The following EEPD1 variants were observed in gnomAD, a reference collection of about 807,000 sequenced individuals.
The protein encoded by EEPD1 is endonuclease/exonuclease/phosphatase family domain-containing protein 1.
EEPD1 carries 17 observed loss-of-function variants against 46.3 expected under a neutral mutation model. The observed-to-expected ratio is 0.37, with a 90% CI of 0.25 to 0.55. The LOEUF (loss-of-function observed/expected upper bound fraction) is 0.55. Among genes scored for constraint, EEPD1 ranks in the 20% least tolerant of loss-of-function variants. The probability of loss-of-function intolerance (pLI) is 0.83; values close to 1 mark genes in which losing one functional copy is unlikely to be tolerated. For missense variants in EEPD1, 673 were observed against 745.6 expected (o/e 0.90, Z 1.13); for synonymous variants, 313 against 315.6 (o/e 0.99, Z 0.09).
chr7:36,230,798 A>G (rs1457591686), intron 2 of EEPD1: 2 of 152,220 alleles, frequency 1.3e-5, no homozygotes, highest in Non-Finnish European at 2.9e-5. Context: ...GTGTGTCCCT[A>G]GCACCCAGGA....
chr7:36,202,124 C>A (rs1235834227), intron 2 of EEPD1, among the ~76,000 whole-genome samples: 4 of 152,134 alleles, frequency 2.6e-5, no homozygotes, highest in Admixed American at 6.5e-5. Context: ...AGGTTGATTC[C>A]CAGGTGAAAG....
In EEPD1 at chr7:36,175,910, G is replaced by T. The variant is rs115331460; in HGVS notation, c.878+20708G>T. 3.0e-3 allele frequency among the ~76,000 whole-genome samples: 458 copies of T among 152,342 alleles called. 3 individuals carry two copies. The highest frequency in any genetic ancestry group is 0.011 in the African/African-American group (441 of 41,582). On this transcript the variant is annotated intron_variant, in intron 2 of 7. Transcript: ENST00000242108. The stretch of plus-strand genomic sequence containing the variant: ...GAACGGGGAGGAGGTGAAGCCAGAG[G>T]GGCTGAGCAGGTCACTGCCGGGTCC...
chr7:36,227,279 T>C (rs1178911613), intron 2 of EEPD1, among the ~76,000 whole-genome samples: 1 of 152,238 alleles, frequency 6.6e-6, no homozygotes, highest in Non-Finnish European at 1.5e-5. Flanking sequence ...CTGCCCAGAT[T>C]GTTTTGCAGA....
chr7:36,235,794 T>A (rs1664061323), intron 2 of EEPD1, among the ~76,000 whole-genome samples: 1 of 152,254 alleles, frequency 6.6e-6, no homozygotes, highest in African/African-American at 2.4e-5. Flanking sequence ...ACTTTTAGAA[T>A]TTTTTATGGC....
At chr7:36,267,741 A>G (rs560235956) in intron 3 of EEPD1, among the ~76,000 whole-genome samples, 1 of 152,174 alleles carries the variant, frequency 6.6e-6, no homozygotes, top group African/African-American at 2.4e-5. Flanking sequence ...CAGAATTGTC[A>G]TGGACTAGCT....
chr7:36,256,996 C>G (rs191255977), intron 3 of EEPD1, among the ~76,000 whole-genome samples: 1 of 152,006 alleles, frequency 6.6e-6, no homozygotes, highest in Non-Finnish European at 1.5e-5. Flanking sequence ...TTTTCATGTG[C>G]TCTTGTAAGG....
At chr7:36,228,912 TAG>T (rs1266549032) in intron 2 of EEPD1, 1 of 152,192 alleles carries the variant, frequency 6.6e-6, no homozygotes. Context: ...GACATGTGAG[TAG>T]AGAGTGGCCA....
intron 2 of EEPD1, among the ~76,000 whole-genome samples, chr7:36,227,761 C>T (rs1459241003): frequency 1.3e-5 from 2 of 152,146 alleles, no homozygotes; most frequent in South Asian, 2.1e-4. Context: ...AGTCTTGGCT[C>T]ACTGCAAGCT....
chr7:36,226,721 A>C (rs1267783197), intron 2 of EEPD1, among the ~76,000 whole-genome samples: 1 of 152,236 alleles, frequency 6.6e-6, no homozygotes, highest in African/African-American at 2.4e-5. Context: ...ACACAATTCA[A>C]ATAACCATTG....
intron 2 of EEPD1, among the ~76,000 whole-genome samples, chr7:36,196,930 C>T (rs1192152367): frequency 1.3e-5 from 2 of 149,542 alleles, no homozygotes; most frequent in African/African-American, 5.0e-5. Context: ...AAGTGAGGAG[C>T]GCCTCTTCCG....
At chr7:36,200,764 A>T (rs1415935533) in intron 2 of EEPD1, among the ~76,000 whole-genome samples, 2 of 151,874 alleles carry the variant, frequency 1.3e-5, no homozygotes, top group Admixed American at 1.3e-4. Flanking sequence ...ACGTTAAAAA[A>T]CCCGTCACCA....
At chr7:36,296,265 A>G (rs1033420576) in intron 6 of EEPD1, among the ~76,000 whole-genome samples, 5 of 152,104 alleles carry the variant, frequency 3.3e-5, no homozygotes, top group Non-Finnish European at 5.9e-5. Context: ...ACAGTTCCCA[A>G]TCGAGGAGTG....
intron 2 of EEPD1, among the ~76,000 whole-genome samples, chr7:36,162,294 G>A (rs1784911060): frequency 6.6e-6 from 1 of 152,184 alleles, no homozygotes; most frequent in Admixed American, 6.5e-5. Flanking sequence ...TGTGCTCAGA[G>A]TAAACATTTC....
chr7:36,234,555 C>A (rs940741795), intron 2 of EEPD1, among the ~76,000 whole-genome samples: 1 of 151,880 alleles, frequency 6.6e-6, no homozygotes, highest in East Asian at 1.9e-4. Flanking sequence ...GCCTGCAGTC[C>A]GAGCTGCTTG....
chr7:36,235,965 C>T (rs888800490), intron 2 of EEPD1, among the ~76,000 whole-genome samples: 12 of 149,432 alleles, frequency 8.0e-5, no homozygotes, highest in Admixed American at 6.0e-4. Flanking sequence ...CGCTCTGTCA[C>T]CCAGGCTGGA....
At chr7:36,283,719 C>T (rs140844160) in intron 4 of EEPD1, among the ~76,000 whole-genome samples, 35 of 152,320 alleles carry the variant, frequency 2.3e-4, no homozygotes, top group Admixed American at 5.2e-4. Flanking sequence ...CTCCCTCCCT[C>T]CTCCTAAAAA....
chr7:36,293,568 A>G (rs1296797039), intron 6 of EEPD1, among the ~76,000 whole-genome samples: 1 of 152,190 alleles, frequency 6.6e-6, no homozygotes, highest in Non-Finnish European at 1.5e-5. Flanking sequence ...CCCGGCTCCA[A>G]CTTCAGTCAG....
chr7:36,287,623 G>T lies in EEPD1; in HGVS notation c.1177-16G>T. Reference sequence around the variant, plus strand: ...CTTCTGAGCCTCTCCCTGTTGCTTTGTTTCCTGCTGCCTAGGTGGGAAGTC... The same window carrying T: ...CTTCTGAGCCTCTCCCTGTTGCTTTTTTTCCTGCTGCCTAGGTGGGAAGTC... On this transcript the variant is annotated splice_polypyrimidine_tract_variant and intron_variant, in intron 5 of 7. Coordinates refer to ENST00000242108, the MANE Select transcript of EEPD1 (RefSeq NM_030636.3). 6.2e-7 allele frequency: 1 copy of T among 1,611,216 alleles called. No individual in the cohort carries two copies. Among genetic ancestry groups the T allele is most frequent in the African/African-American group, 1.3e-5 (1 of 74,896 alleles).
chr7:36,180,079 C>T (rs1375188586), intron 2 of EEPD1, among the ~76,000 whole-genome samples: 1 of 152,208 alleles, frequency 6.6e-6, no homozygotes, highest in East Asian at 1.9e-4. Flanking sequence ...TTGGATACAG[C>T]ATGCAGGAGC....
Sources: gnomAD v4.1 joint callset for allele counts (sites outside exome capture counted in the v4.1 genomes callset) on GRCh38, gnomAD v4.1.1 for gene constraint, MANE v1.5 for transcripts, NCBI Gene and HGNC (gene_info 2026-07-23, HGNC 2026-07-21) for gene names.